Variants in PUM1 observed in about 807,000 individuals in gnomAD.
PUM1 encodes pumilio homolog 1.
Under a neutral mutation model 131.8 loss-of-function variants are expected in PUM1, and 13 were observed. The ratio of observed to expected loss-of-function variants is 0.10; its 90% CI spans 0.06 to 0.16. The LOEUF is 0.16. Among genes scored for constraint, PUM1 ranks in the 10% least tolerant of loss-of-function variants. PUM1 has a pLI of 1.00. For missense variants in PUM1, 961 were observed against 1,512.4 expected (o/e 0.64, Z 6.05); for synonymous variants, 509 against 556.5 (o/e 0.91, Z 1.20).
At chr1:31,028,712 C>A (rs942946387) in intron 3 of PUM1, 84 bp downstream of exon 3, 14 of 1,094,352 alleles carry the variant, frequency 1.3e-5, no homozygotes, top group Non-Finnish European at 1.7e-5. Context: ...TTTCTGGAGA[C>A]TAGATTTGGA....
chr1:30,948,591 A>G (rs1279250436), intron 17 of PUM1, among the ~76,000 whole-genome samples: 7 of 152,174 alleles, frequency 4.6e-5, no homozygotes, highest in Admixed American at 4.6e-4. Flanking sequence ...TCTCTACCAA[A>G]AATACACACA....
intron 2 of PUM1, among the ~76,000 whole-genome samples, chr1:31,056,401 C>G (rs1002579377): frequency 5.3e-5 from 8 of 151,960 alleles, no homozygotes; most frequent in African/African-American, 1.9e-4. Context: ...CTGCCTCAGC[C>G]TCCCGAGGAG....
In PUM1 at chr1:31,052,600, C is replaced by G. The variant is rs181287336; in HGVS notation, c.363+6604G>C. Among the ~76,000 whole-genome samples the G allele has an allele frequency of 5.2e-3, 792 of 152,028 alleles. 6 individuals carry two copies. Among genetic ancestry groups the G allele is most frequent in the African/African-American group, 0.018 (732 of 41,490 alleles). On this transcript the variant is annotated intron_variant, in intron 2 of 21. Transcript: ENST00000426105. ...CAGGCTGGTCTCAAACTCCTGGCCT[C>G]AAGCAACCCTCCTGACCCAGCCTCC... is the stretch of plus-strand genomic sequence containing the variant.
chr1:30,961,113 G>A (rs1453295847), intron 14 of PUM1, among the ~76,000 whole-genome samples: 1 of 151,976 alleles, frequency 6.6e-6, no homozygotes, highest in Non-Finnish European at 1.5e-5. Flanking sequence ...AGAATCACTT[G>A]AACCGGGAGG....
At chr1:31,006,764 G>C (rs1642412986) in intron 4 of PUM1, among the ~76,000 whole-genome samples, 1 of 152,186 alleles carries the variant, frequency 6.6e-6, no homozygotes, top group Non-Finnish European at 1.5e-5. Context: ...TTTCAAATAA[G>C]ACCATTCCCC....
chr1:30,949,842 G>A (rs1247708932), intron 17 of PUM1, among the ~76,000 whole-genome samples: 1 of 152,052 alleles, frequency 6.6e-6, no homozygotes, highest in Non-Finnish European at 1.5e-5. Flanking sequence ...TATTTTACCT[G>A]CTTTATTCAT....
At chr1:31,049,988 C>T (rs1266665684) in intron 2 of PUM1, among the ~76,000 whole-genome samples, 1 of 151,704 alleles carries the variant, frequency 6.6e-6, no homozygotes, top group Admixed American at 6.6e-5. Flanking sequence ...CGCCAACACA[C>T]CTGGCTAATT....
intron 5 of PUM1, among the ~76,000 whole-genome samples, chr1:31,005,528 C>G (rs781379956): frequency 5.3e-5 from 8 of 152,240 alleles, no homozygotes; most frequent in African/African-American, 1.7e-4. Context: ...TCACCACCCC[C>G]CTTTTGCTTT....
intron 5 of PUM1, among the ~76,000 whole-genome samples, chr1:30,997,255 T>TATA (rs1340321116): frequency 2.0e-5 from 3 of 152,174 alleles, no homozygotes; most frequent in African/African-American, 4.8e-5. Flanking sequence ...GGCTCACACC[T>TATA]ATAATCCCAG....
At chr1:30,982,230 C>T (rs950644936) in intron 7 of PUM1, 2 of 152,180 alleles carry the variant, frequency 1.3e-5, no homozygotes, top group Non-Finnish European at 2.9e-5. Flanking sequence ...TACGATTCTA[C>T]GTTAATACAA....
At chr1:30,980,415 T>C (rs980924001) in intron 8 of PUM1, among the ~76,000 whole-genome samples, 9 of 152,234 alleles carry the variant, frequency 5.9e-5, no homozygotes, top group African/African-American at 2.2e-4. Context: ...TATATAGTTA[T>C]AAATTCAGCA....
chr1:31,009,307 A>C (rs1642509795), intron 3 of PUM1, among the ~76,000 whole-genome samples: 1 of 151,850 alleles, frequency 6.6e-6, no homozygotes, highest in African/African-American at 2.4e-5. Context: ...AAAAGCAACT[A>C]CTCTTTTGTA....
chr1:31,029,785 G>A (rs1011714377), intron 2 of PUM1, among the ~76,000 whole-genome samples: 3 of 151,964 alleles, frequency 2.0e-5, no homozygotes, highest in Non-Finnish European at 2.9e-5. Flanking sequence ...GTTGGGCTGT[G>A]GTGGCACACA....
intron 7 of PUM1, among the ~76,000 whole-genome samples, chr1:30,991,200 G>C (rs1220121256): frequency 6.6e-6 from 1 of 152,028 alleles, no homozygotes; most frequent in Non-Finnish European, 1.5e-5. Context: ...TGGCCATAAA[G>C]AGAAAAAAAG....
chr1:31,026,636 G>A (rs892534399), intron 3 of PUM1, among the ~76,000 whole-genome samples: 7 of 152,180 alleles, frequency 4.6e-5, no homozygotes, highest in Admixed American at 2.0e-4. Flanking sequence ...AAGGGCACAT[G>A]CCTTGCAGTG....
chr1:31,020,457 A>G (rs1642981101), intron 3 of PUM1, among the ~76,000 whole-genome samples: 1 of 152,234 alleles, frequency 6.6e-6, no homozygotes, highest in Non-Finnish European at 1.5e-5. Context: ...ATTCACTTTA[A>G]TAATTACATA....
At chr1:31,029,816 AG>A (rs1643353073) in intron 2 of PUM1, among the ~76,000 whole-genome samples, 1 of 149,212 alleles carries the variant, frequency 6.7e-6, no homozygotes, top group African/African-American at 2.5e-5. Flanking sequence ...CAGCAGGGTG[AG>A]GTGGGAGGAT....
At chr1:31,059,104 AG>A (rs1644315004) in intron 2 of PUM1, 99 bp downstream of exon 2, 1 of 1,332,260 alleles carries the variant, frequency 7.5e-7, no homozygotes, top group Non-Finnish European at 1.0e-6. Flanking sequence ...AAATGAAATC[AG>A]CAATTTAAGT....
At chr1:31,050,282 T>A (rs539388203) in intron 2 of PUM1, among the ~76,000 whole-genome samples, 1 of 151,758 alleles carries the variant, frequency 6.6e-6, no homozygotes, top group Non-Finnish European at 1.5e-5. Flanking sequence ...ACCAGGAGTT[T>A]AAAACCAGCC....
Sources: allele counts gnomAD v4.1 joint callset (sites outside exome capture counted in the v4.1 genomes callset), GRCh38; gene constraint gnomAD v4.1.1; transcripts MANE v1.5; gene names NCBI Gene and HGNC (gene_info 2026-07-23, HGNC 2026-07-21).